The following LYPLAL1 variants were observed in gnomAD, a reference collection of about 807,000 sequenced individuals.
LYPLAL1 encodes the protein lysophospholipase-like protein 1.
LYPLAL1 carries 23 observed loss-of-function variants against 19.7 expected under a neutral mutation model. The ratio of observed to expected loss-of-function variants is 1.17; its 90% CI spans 0.84 to 1.65. The LOEUF (loss-of-function observed/expected upper bound fraction) is 1.65, where lower values mean the gene tolerates loss of function less well. Ranked by LOEUF, LYPLAL1 falls within the 40% of genes most tolerant of loss-of-function variation. The pLI is 0.00. For synonymous variants in LYPLAL1, 119 were observed against 96.3 expected, an observed-to-expected ratio of 1.24 and a Z score of -1.38; for missense variants, 355 against 279.4, an observed-to-expected ratio of 1.27 and a Z score of -1.93.
the LYPLAL1 span, among the ~76,000 whole-genome samples, chr1:219,305,408 G>A: frequency 6.6e-6 from 1 of 152,020 alleles, no homozygotes; most frequent in Non-Finnish European, 1.5e-5. Flanking sequence ...GCAGAAGTTA[G>A]AAAAGAGACA....
At chr1:219,296,387 G>T in the LYPLAL1 span, among the ~76,000 whole-genome samples, 10 of 152,082 alleles carry the variant, frequency 6.6e-5, no homozygotes, top group Non-Finnish European at 2.9e-5. Flanking sequence ...AATATGGCTG[G>T]GCATCCAGTT....
the LYPLAL1 span, among the ~76,000 whole-genome samples, chr1:219,388,229 G>A: frequency 3.2e-4 from 48 of 152,260 alleles, 1 homozygote; most frequent in South Asian, 1.0e-2. Context: ...CTCATATGGA[G>A]AGTGTTTTCT....
At chr1:219,255,455 G>T in the LYPLAL1 span, among the ~76,000 whole-genome samples, 1 of 151,822 alleles carries the variant, frequency 6.6e-6, no homozygotes, top group Non-Finnish European at 1.5e-5. Flanking sequence ...GGTCTAATAT[G>T]CAGCAAACTT....
the LYPLAL1 span, among the ~76,000 whole-genome samples, chr1:219,381,280 T>A: frequency 6.6e-6 from 1 of 152,176 alleles, no homozygotes; most frequent in Non-Finnish European, 1.5e-5. Context: ...TCTTCCTCCA[T>A]CTTTTGCCAT....
the LYPLAL1 span, among the ~76,000 whole-genome samples, chr1:219,321,787 G>C: frequency 6.6e-6 from 1 of 152,114 alleles, no homozygotes; most frequent in Non-Finnish European, 1.5e-5. Context: ...GTTAAGATTT[G>C]TTTCAAGACA....
the LYPLAL1 span, among the ~76,000 whole-genome samples, chr1:219,327,374 C>G: frequency 2.0e-5 from 3 of 152,120 alleles, no homozygotes; most frequent in Non-Finnish European, 4.4e-5. Flanking sequence ...TTGAAGAACA[C>G]TGACTAGGCA....
the LYPLAL1 span, among the ~76,000 whole-genome samples, chr1:219,294,534 C>T: frequency 1.3e-5 from 2 of 152,208 alleles, no homozygotes; most frequent in African/African-American, 4.8e-5. Context: ...CAGACTGACT[C>T]ATCTAGTCAT....
chr1:219,174,398 T>G (rs1655634961), intron 1 of LYPLAL1: 2 of 596,450 alleles, frequency 3.4e-6, no homozygotes, highest in African/African-American at 2.0e-5. Context: ...TTTTCCAGGC[T>G]CCCATACTAA....
the LYPLAL1 span, among the ~76,000 whole-genome samples, chr1:219,225,001 T>C: frequency 3.9e-5 from 6 of 152,208 alleles, no homozygotes; most frequent in Non-Finnish European, 7.4e-5. Context: ...GCTATTTTCC[T>C]GTTTCTTTCA....
At chr1:219,306,258 A>G in the LYPLAL1 span, among the ~76,000 whole-genome samples, 1 of 152,208 alleles carries the variant, frequency 6.6e-6, no homozygotes, top group Non-Finnish European at 1.5e-5. Context: ...GTAACTTGTA[A>G]ACAATAAATT....
At chr1:219,245,437 A>G in the LYPLAL1 span, among the ~76,000 whole-genome samples, 1 of 152,142 alleles carries the variant, frequency 6.6e-6, no homozygotes, top group Non-Finnish European at 1.5e-5. Flanking sequence ...TGTGATTGCT[A>G]AGGAATCCCT....
At chr1:219,350,847 C>G in the LYPLAL1 span, among the ~76,000 whole-genome samples, 1 of 152,144 alleles carries the variant, frequency 6.6e-6, no homozygotes, top group African/African-American at 2.4e-5. Flanking sequence ...ACATCTGTAG[C>G]TCAGCTAAGT....
the LYPLAL1 span, among the ~76,000 whole-genome samples, chr1:219,337,961 G>A: frequency 6.6e-6 from 1 of 151,990 alleles, no homozygotes; most frequent in African/African-American, 2.4e-5. Context: ...TTCATCTTGG[G>A]CATGTTACTT....
the LYPLAL1 span, among the ~76,000 whole-genome samples, chr1:219,420,333 G>C: frequency 6.6e-6 from 1 of 152,168 alleles, no homozygotes. Context: ...GTGAGCCAAG[G>C]TTATAATTTA....
chr1:219,309,441 A>G, the LYPLAL1 span, among the ~76,000 whole-genome samples: 1 of 151,964 alleles, frequency 6.6e-6, no homozygotes, highest in African/African-American at 2.4e-5. Flanking sequence ...AGGACATGAG[A>G]TTTGGTGGGG....
At chr1:219,348,673 C>T in the LYPLAL1 span, among the ~76,000 whole-genome samples, 1 of 152,074 alleles carries the variant, frequency 6.6e-6, no homozygotes, top group African/African-American at 2.4e-5. Context: ...AATATGCAGC[C>T]AGCTGTCTAG....
chr1:219,266,181 T>C, the LYPLAL1 span, among the ~76,000 whole-genome samples: 1 of 152,186 alleles, frequency 6.6e-6, no homozygotes, highest in Non-Finnish European at 1.5e-5. Context: ...TAATGACATT[T>C]AGTTAAAAAC....
chr1:219,326,511 A>G, the LYPLAL1 span, among the ~76,000 whole-genome samples: 4 of 152,104 alleles, frequency 2.6e-5, no homozygotes, highest in South Asian at 4.1e-4. Context: ...GGTTATTACT[A>G]TATAGGACAT....
the LYPLAL1 span, among the ~76,000 whole-genome samples, chr1:219,426,483 G>T: frequency 6.6e-6 from 1 of 152,186 alleles, no homozygotes; most frequent in Non-Finnish European, 1.5e-5. Flanking sequence ...GGTGGCAGCA[G>T]CAGGATTATT....
Sources: gnomAD v4.1 joint callset for allele counts (sites outside exome capture counted in the v4.1 genomes callset) on GRCh38, gnomAD v4.1.1 for gene constraint, MANE v1.5 for transcripts, NCBI Gene and HGNC (gene_info 2026-07-23, HGNC 2026-07-21) for gene names.